TLL1: variants seen among roughly 807,000 people sequenced by gnomAD.
TLL1 encodes the protein tolloid like 1.
TLL1 carries 49 observed loss-of-function variants against 128.2 expected under a neutral mutation model. The observed-to-expected ratio is 0.38, with a 90% CI of 0.30 to 0.48. The LOEUF is 0.48. Among genes scored for constraint, TLL1 ranks in the 20% least tolerant of loss-of-function variants. The pLI is 0.96. For synonymous variants in TLL1, 454 were observed against 418.8 expected, an observed-to-expected ratio of 1.08 and a Z score of -1.03; for missense variants, 1,123 against 1,242.0, an observed-to-expected ratio of 0.90 and a Z score of 1.44.
chr4:165,874,243 C>T (rs527871850), intron 1 of TLL1, among the ~76,000 whole-genome samples, 170 bp downstream of exon 1: 1 of 152,018 alleles, frequency 6.6e-6, no homozygotes, highest in Admixed American at 6.6e-5. Context: ...CAAGTGGCAG[C>T]CGCTGCGGCC....
intron 9 of TLL1, among the ~76,000 whole-genome samples, chr4:166,039,047 A>G (rs1024479290): frequency 1.3e-5 from 2 of 152,144 alleles, no homozygotes; most frequent in African/African-American, 4.8e-5. Flanking sequence ...TTTGCTTTAC[A>G]ATTGTCCAGA....
chr4:166,077,774 A>G, intron 17 of TLL1, 129 bp from the exon 18 acceptor site: 2 of 1,226,802 alleles, frequency 1.6e-6, no homozygotes, highest in Middle Eastern at 2.7e-4. Context: ...AATAACCGAC[A>G]CGGGAGTGAA....
chr4:166,049,253 G>T (rs576214964), intron 12 of TLL1, among the ~76,000 whole-genome samples: 1 of 152,264 alleles, frequency 6.6e-6, no homozygotes, highest in African/African-American at 2.4e-5. Context: ...CACTATGATC[G>T]AAACCAAGCC....
chr4:166,100,890 G>A lies in TLL1; in HGVS notation c.*14G>A. 6.2e-7 allele frequency: 1 copy of A among 1,611,800 alleles called. No individual in the cohort carries two copies. The highest frequency in any genetic ancestry group is 8.5e-7 in the Non-Finnish European group (1 of 1,178,816). ...ACCAAAAAATAACACCAAAACCTCT[G>A]TCAGAACACAAAGGAATGTGCATAA... On this transcript the variant is annotated 3_prime_UTR_variant, in exon 21 of 21. Transcript: ENST00000061240.
rs1742190380 is a variant in TLL1, at chr4:166,099,508, G to A, written c.2888G>A (p.Gly963Asp). ...DGLDSTAVGLGRFCGSGPPEE... is the reference protein window; with the variant it reads ...DGLDSTAVGLDRFCGSGPPEE... ...CTTGATTCAACAGCTGTGGGGCTTG[G>A]TCGATTCTGTGGATCCGGGGTAAAT... The change falls in exon 20 of 21, where the codon GGT (glycine) becomes GAT (aspartate). Residue 963 changes from glycine to aspartate, a missense_variant. Physicochemically the swap from Gly to Asp is moderately conservative, Grantham distance 94. Coordinates refer to ENST00000061240, the MANE Select transcript of TLL1 (RefSeq NM_012464.5). The A allele has an allele frequency of 6.2e-7, 1 of 1,613,122 alleles. No individual in the cohort carries two copies. Among genetic ancestry groups the A allele is most frequent in the South Asian group, 1.1e-5 (1 of 91,072 alleles).
intron 1 of TLL1, among the ~76,000 whole-genome samples, chr4:165,940,708 T>G (rs1165281185): frequency 6.6e-6 from 1 of 152,052 alleles, no homozygotes; most frequent in Non-Finnish European, 1.5e-5. Flanking sequence ...AGATATTCCT[T>G]CCTATGTTAT....
intron 1 of TLL1, among the ~76,000 whole-genome samples, chr4:165,876,402 G>C (rs1730724108): frequency 6.6e-6 from 1 of 152,160 alleles, no homozygotes; most frequent in African/African-American, 2.4e-5. Context: ...CCATGCAAAA[G>C]CAAAAGAGAA....
At chr4:165,967,245 C>A (rs1408275722) in intron 1 of TLL1, among the ~76,000 whole-genome samples, 1 of 152,130 alleles carries the variant, frequency 6.6e-6, no homozygotes, top group African/African-American at 2.4e-5. Flanking sequence ...CTTTGGATGC[C>A]CAGATTTCAT....
chr4:166,091,106 T>C, intron 18 of TLL1, 22 bp from the exon 19 acceptor site: 2 of 1,591,370 alleles, frequency 1.3e-6, no homozygotes, highest in Non-Finnish European at 1.7e-6. Flanking sequence ...TTTAAAAAAA[T>C]TATTTCTTCT....
At chr4:165,961,358 T>C (rs1735090709) in intron 1 of TLL1, among the ~76,000 whole-genome samples, 2 of 152,138 alleles carry the variant, frequency 1.3e-5, no homozygotes, top group Non-Finnish European at 2.9e-5. Flanking sequence ...GTGCTCATGA[T>C]TGGAAGAATC....
At position 165,877,363 on chromosome 4, in the gene TLL1, T is replaced by C. The variant is rs115680432; in HGVS notation, c.169+3290T>C. ...CTTTATTTCTCTATATAAGTAGATA[T>C]ACACAAAGATACAGATAATTCAAAT... On this transcript the variant is annotated intron_variant, in intron 1 of 20. Transcript: ENST00000061240. Among the ~76,000 whole-genome samples the C allele has an allele frequency of 5.8e-3, 877 of 152,340 alleles. 7 individuals carry two copies. Among genetic ancestry groups the C allele is most frequent in the African/African-American group, 0.02 (828 of 41,580 alleles).
At chr4:166,091,739 TTAGC>T (rs1372192390) in intron 19 of TLL1, among the ~76,000 whole-genome samples, 1 of 152,112 alleles carries the variant, frequency 6.6e-6, no homozygotes, top group East Asian at 1.9e-4. Context: ...ACCTATCTGA[TTAGC>T]TAGATTTTAC....
At position 166,099,509 on chromosome 4, in the gene TLL1, T is replaced by C. The variant is rs374890766; in HGVS notation, c.2889T>C (p.Gly963=). ...TTGATTCAACAGCTGTGGGGCTTGG[T>C]CGATTCTGTGGATCCGGGGTAAATA... The part of the protein sequence containing the change: ...DGLDSTAVGL[G]RFCGSGPPEE... The change falls in exon 20 of 21, where the codon GGT becomes GGC. Residue 963 remains glycine, a synonymous_variant. Transcript: ENST00000061240. 2 of 1,613,146 alleles carry C rather than the reference T, an allele frequency of 1.2e-6. No individual in the cohort carries two copies. The highest frequency in any genetic ancestry group is 2.7e-5 in the African/African-American group (2 of 74,816).
At chr4:165,899,129 G>C (rs1731831017) in intron 1 of TLL1, among the ~76,000 whole-genome samples, 5 of 139,768 alleles carry the variant, frequency 3.6e-5, no homozygotes, top group Admixed American at 2.4e-4. Flanking sequence ...CTTTTGTCTG[G>C]CTAGTGGTCT....
At position 165,994,439 on chromosome 4, in the gene TLL1, T is replaced by C; in HGVS notation, c.420T>C (p.Asn140=). The C allele has an allele frequency of 6.2e-7, 1 of 1,613,818 alleles. No individual in the cohort carries two copies. The highest frequency in any genetic ancestry group is 8.5e-7 in the Non-Finnish European group (1 of 1,179,900). ...TACCTCTACAATTCTCAGGGCAAAA[T>C]GAGAAAAATCGAGTTCCCAGAGCCG... ...GKVPLQFSGQ[N]EKNRVPRAAT... The change falls in exon 4 of 21, where the codon AAT becomes AAC. Residue 140 remains asparagine (N), a synonymous_variant. Coordinates refer to ENST00000061240, the MANE Select transcript of TLL1 (RefSeq NM_012464.5).
chr4:166,097,862 C>T (rs1159480071), intron 19 of TLL1, among the ~76,000 whole-genome samples: 1 of 152,040 alleles, frequency 6.6e-6, no homozygotes, highest in African/African-American at 2.4e-5. Flanking sequence ...AGTGAAACTC[C>T]TGCTTCCCGG....
intron 1 of TLL1, among the ~76,000 whole-genome samples, chr4:165,945,716 A>G (rs527819597): frequency 3.9e-5 from 6 of 152,302 alleles, no homozygotes; most frequent in African/African-American, 1.2e-4. Context: ...ATATTCAGAT[A>G]TCTCAAAAAA....
intron 16 of TLL1, 43 bp downstream of exon 16, chr4:166,065,906 A>G (rs777922846): frequency 6.9e-6 from 11 of 1,591,108 alleles, no homozygotes; most frequent in Admixed American, 5.0e-5. Context: ...ACAGATTTTC[A>G]ATGTGGGTTG....
chr4:165,880,956 A>C (rs1029147593), intron 1 of TLL1, among the ~76,000 whole-genome samples: 1 of 152,164 alleles, frequency 6.6e-6, no homozygotes, highest in Non-Finnish European at 1.5e-5. Context: ...GGATAATCTC[A>C]GTTTCTTGTT....
Sources: allele counts gnomAD v4.1 joint callset (sites outside exome capture counted in the v4.1 genomes callset), GRCh38; gene constraint gnomAD v4.1.1; transcripts MANE v1.5; gene names NCBI Gene and HGNC (gene_info 2026-07-23, HGNC 2026-07-21).